CA10: variants seen among roughly 807,000 people sequenced by gnomAD.
CA10 encodes carbonic anhydrase-related protein 10.
Under a neutral mutation model 44.2 loss-of-function variants are expected in CA10, and 14 were observed. The ratio of observed to expected loss-of-function variants is 0.32; its 90% CI spans 0.21 to 0.50. The LOEUF is 0.50. CA10 is among the 20% of genes least tolerant of loss of function. CA10 has a pLI of 0.99. For synonymous variants in CA10, 159 were observed against 141.6 expected, an observed-to-expected ratio of 1.12 and a Z score of -0.87; for missense variants, 350 against 409.7, an observed-to-expected ratio of 0.85 and a Z score of 1.26.
At chr17:52,011,747 C>T (rs1598165288) in intron 2 of CA10, among the ~76,000 whole-genome samples, 1 of 151,914 alleles carries the variant, frequency 6.6e-6, no homozygotes, top group African/African-American at 2.4e-5. Context: ...GATCATGATA[C>T]AAACAAGGGT....
At chr17:51,772,667 ATT>A (rs11293158) in intron 3 of CA10, among the ~76,000 whole-genome samples, 4,877 of 148,890 alleles carry the variant, frequency 0.033, 254 homozygotes, top group African/African-American at 0.11. Flanking sequence ...AGAGAGAAGC[ATT>A]TTTTTTTTTT....
chr17:51,882,454 G>A (rs1296621441), intron 3 of CA10, among the ~76,000 whole-genome samples: 2 of 152,166 alleles, frequency 1.3e-5, no homozygotes, highest in Non-Finnish European at 2.9e-5. Flanking sequence ...TTGTGTGTGT[G>A]TATGGGTGTT....
intron 2 of CA10, among the ~76,000 whole-genome samples, chr17:52,068,292 C>A (rs1348391514): frequency 1.3e-5 from 2 of 152,226 alleles, no homozygotes; most frequent in Admixed American, 6.5e-5. Context: ...TTCCTTCCTG[C>A]AGCCTTGTAA....
chr17:51,927,225 C>G (rs1201263972), intron 3 of CA10, among the ~76,000 whole-genome samples: 5 of 152,094 alleles, frequency 3.3e-5, no homozygotes, highest in Middle Eastern at 3.2e-3. Context: ...TAACATATGA[C>G]AGATCCTACT....
chr17:52,070,613 C>G (rs1298576261), intron 2 of CA10: 1 of 152,126 alleles, frequency 6.6e-6, no homozygotes, highest in Non-Finnish European at 1.5e-5. Flanking sequence ...TTACTGCTTC[C>G]CATGTAGTAA....
intron 3 of CA10, among the ~76,000 whole-genome samples, chr17:51,881,705 T>G (rs2143888312): frequency 6.6e-6 from 1 of 152,188 alleles, no homozygotes; most frequent in African/African-American, 2.4e-5. Context: ...ATTCAGTCAA[T>G]AATGAGAGGG....
At chr17:52,149,946 A>C (rs2049542157) in intron 1 of CA10, among the ~76,000 whole-genome samples, 1 of 152,266 alleles carries the variant, frequency 6.6e-6, no homozygotes, top group African/African-American at 2.4e-5. Context: ...TCATGCACAG[A>C]GGGAAAATGG....
chr17:51,976,817 T>C (rs73348658), intron 2 of CA10, among the ~76,000 whole-genome samples: 3,164 of 151,650 alleles, frequency 0.021, 108 homozygotes, highest in African/African-American at 0.072. Context: ...ATTAGTAAAA[T>C]TGATTAATAA....
chr17:51,673,718 AG>A (rs1159182571), intron 4 of CA10, among the ~76,000 whole-genome samples: 1 of 152,138 alleles, frequency 6.6e-6, no homozygotes, highest in East Asian at 1.9e-4. Context: ...GTCTCTCCAT[AG>A]CCATTGTGAT....
chr17:52,012,194 A>G (rs970843449), intron 2 of CA10, among the ~76,000 whole-genome samples: 25 of 152,042 alleles, frequency 1.6e-4, no homozygotes, highest in African/African-American at 5.8e-4. Context: ...AACTGAGGGG[A>G]AAAAGATGTT....
At chr17:51,995,387 C>T (rs1224458802) in intron 2 of CA10, among the ~76,000 whole-genome samples, 1 of 151,972 alleles carries the variant, frequency 6.6e-6, no homozygotes, top group Non-Finnish European at 1.5e-5. Flanking sequence ...GCTTGAAACA[C>T]AAATGCTGAA....
At chr17:51,741,627 T>C (rs1904464451) in intron 4 of CA10, among the ~76,000 whole-genome samples, 1 of 152,230 alleles carries the variant, frequency 6.6e-6, no homozygotes, top group African/African-American at 2.4e-5. Flanking sequence ...AGTGGTTTAA[T>C]GACTCATTCC....
chr17:51,774,581 A>G (rs1433052552), intron 3 of CA10, among the ~76,000 whole-genome samples: 1 of 152,040 alleles, frequency 6.6e-6, no homozygotes, highest in Non-Finnish European at 1.5e-5. Context: ...CTGGGACTAC[A>G]GGCGCACACC....
chr17:51,819,297 T>C (rs1195689932), intron 3 of CA10, among the ~76,000 whole-genome samples: 3 of 152,198 alleles, frequency 2.0e-5, no homozygotes, highest in Non-Finnish European at 4.4e-5. Context: ...TGGTCAAGCG[T>C]TGGTATTGGC....
At chr17:52,027,849 A>G (rs1298658984) in intron 2 of CA10, among the ~76,000 whole-genome samples, 1 of 152,186 alleles carries the variant, frequency 6.6e-6, no homozygotes, top group Admixed American at 6.5e-5. Flanking sequence ...AGTGTATCTA[A>G]TAAGTGGTAG....
intron 3 of CA10, among the ~76,000 whole-genome samples, chr17:51,858,621 G>A (rs181909264): frequency 3.5e-4 from 54 of 152,246 alleles, no homozygotes; most frequent in Admixed American, 8.5e-4. Context: ...TTCTTTGAAC[G>A]TGCACCAACA....
chr17:51,856,198 G>C (rs1293015253), intron 3 of CA10, among the ~76,000 whole-genome samples: 1 of 152,164 alleles, frequency 6.6e-6, no homozygotes, highest in Non-Finnish European at 1.5e-5. Flanking sequence ...TGATTAAAAT[G>C]TCTCAAGCAT....
At chr17:51,993,482 G>C (rs1286531933) in intron 2 of CA10, among the ~76,000 whole-genome samples, 1 of 151,976 alleles carries the variant, frequency 6.6e-6, no homozygotes, top group African/African-American at 2.4e-5. Flanking sequence ...TCACTTTGGA[G>C]AACTGATATA....
chr17:52,138,367 C>T (rs1989404656), intron 1 of CA10, among the ~76,000 whole-genome samples: 1 of 152,092 alleles, frequency 6.6e-6, no homozygotes, highest in Admixed American at 6.6e-5. Context: ...TCCCTTTTAC[C>T]ATGTAAAATA....
Sources: allele counts gnomAD v4.1 joint callset (sites outside exome capture counted in the v4.1 genomes callset), GRCh38; gene constraint gnomAD v4.1.1; transcripts MANE v1.5; gene names NCBI Gene and HGNC (gene_info 2026-07-23, HGNC 2026-07-21).